Variants in CFAP54 observed in about 807,000 individuals in gnomAD.
CFAP54 encodes the protein cilia- and flagella-associated protein 54.
In CFAP54, 290 loss-of-function variants were observed where a neutral mutation model predicts 370.4. The ratio of observed to expected loss-of-function variants is 0.78; its 90% CI spans 0.71 to 0.86. CFAP54 has a LOEUF of 0.86. CFAP54 is among the 40% of genes least tolerant of loss of function. The pLI is 0.00. For missense variants in CFAP54, 3,399 were observed against 3,528.7 expected (o/e 0.96, Z 0.93); for synonymous variants, 1,206 against 1,236.5 (o/e 0.98, Z 0.52).
At chr12:96,686,406 A>T (rs751123503) in intron 42 of CFAP54, among the ~76,000 whole-genome samples, 56 of 152,314 alleles carry the variant, frequency 3.7e-4, no homozygotes, top group South Asian at 4.1e-4. Context: ...GCTACAAAGA[A>T]ATACCCAAGA....
intron 50 of CFAP54, among the ~76,000 whole-genome samples, chr12:96,728,270 G>T (rs1432401059): frequency 6.6e-6 from 1 of 152,182 alleles, no homozygotes; most frequent in Admixed American, 6.5e-5. Flanking sequence ...CCTGCAGAGT[G>T]TTTTCCAACT....
At chr12:96,859,736 A>G (rs1959817191) in intron 66 of CFAP54, among the ~76,000 whole-genome samples, 1 of 152,156 alleles carries the variant, frequency 6.6e-6, no homozygotes. Context: ...CTGTGTAGTT[A>G]TTCTGTCTCC....
chr12:96,826,070 A>G lies in CFAP54; in HGVS notation c.9097-2944A>G, dbSNP rs1447966739. Among the ~76,000 whole-genome samples, 13 of 145,290 alleles carry G rather than the reference A, an allele frequency of 8.9e-5. No homozygotes were observed. The East Asian group carries it at 2.5e-3, about 28-fold the overall frequency. On this transcript the variant is annotated intron_variant, in intron 65 of 67. Transcript: ENST00000524981. ...ATATTTTATATATACACACACATTT[A>G]CCAGCATTTAGAATACTAAAATGAT...
intron 29 of CFAP54, among the ~76,000 whole-genome samples, chr12:96,626,229 C>T (rs999204006): frequency 6.6e-6 from 1 of 151,772 alleles, no homozygotes; most frequent in Admixed American, 6.6e-5. Flanking sequence ...ACTAAAAATA[C>T]AAAAATTATC....
Position 96,581,123 on chromosome 12 carries a change from T to C in CFAP54, c.3075+18T>C. ...TGACACAGGTAGAAAAGATTTCTGC[T>C]AATTTTTTCCACTGTGTTTTTTTTT... On this transcript the variant is annotated intron_variant, in intron 22 of 67. Coordinates refer to ENST00000524981, the MANE Select transcript of CFAP54 (RefSeq NM_001306084.2). 7.1e-7 allele frequency: 1 copy of C among 1,409,764 alleles called. No homozygotes were observed. The highest frequency in any genetic ancestry group is 9.3e-7 in the Non-Finnish European group (1 of 1,079,542). 87.3% of individuals were successfully genotyped at this position (1,409,764 alleles called of 1,614,324 possible). A position where few individuals can be genotyped will look rare whatever the true frequency, so the allele number is the denominator to read the frequency against.
At chr12:96,675,042 C>G (rs1957190091) in intron 39 of CFAP54, among the ~76,000 whole-genome samples, 2 of 152,048 alleles carry the variant, frequency 1.3e-5, no homozygotes, top group African/African-American at 2.4e-5. Context: ...GACTTCATGT[C>G]TAAAACACCA....
At chr12:96,737,959 G>T (rs777458835) in intron 50 of CFAP54, among the ~76,000 whole-genome samples, 1 of 152,154 alleles carries the variant, frequency 6.6e-6, no homozygotes, top group Non-Finnish European at 1.5e-5. Context: ...GGCTGGGGAT[G>T]GGGGAGGGCC....
intron 67 of CFAP54, among the ~76,000 whole-genome samples, chr12:96,868,336 G>T (rs1960059721): frequency 6.6e-6 from 1 of 151,600 alleles, no homozygotes; most frequent in East Asian, 1.9e-4. Flanking sequence ...TCCTACTGAG[G>T]TTGAATGTTT....
In CFAP54 at chr12:96,656,307, C is replaced by T. The variant is rs529701539; in HGVS notation, c.5101-1575C>T. Among the ~76,000 whole-genome samples the T allele has an allele frequency of 2.9e-4, 44 of 152,136 alleles. 1 individual carries two copies. Among genetic ancestry groups the T allele is most frequent in the African/African-American group, 7.7e-4 (32 of 41,504 alleles). ...GATCAATAGACAATTCTCTCCCCCC[C>T]CCTCCCCTTTTGGATTGGGATCAAC... On this transcript the variant is annotated intron_variant, in intron 36 of 67. Transcript: ENST00000524981.
rs772484261 is a variant in CFAP54 at position 96,765,304 on chromosome 12, G to A, written c.8281+86G>A. On this transcript the variant is annotated intron_variant, in intron 60 of 67. Coordinates refer to ENST00000524981, the MANE Select transcript of CFAP54 (RefSeq NM_001306084.2). Reference sequence around the variant, plus strand: ...TTCAAAGATTTAATTGTAATTTGTTGGCTTTTAGCTTAGATGGGATAATGT... The same window carrying A: ...TTCAAAGATTTAATTGTAATTTGTTAGCTTTTAGCTTAGATGGGATAATGT... 5 of 1,254,138 alleles carry A rather than the reference G, an allele frequency of 4.0e-6. No individual in the cohort carries two copies. In the East Asian group the frequency reaches 1.0e-4, roughly 26 times the overall value. The allele number at this position is 1,254,138 out of a possible 1,614,324, so 77.7% of individuals were successfully genotyped here.
At chr12:96,584,912 T>C (rs767786352) in intron 22 of CFAP54, among the ~76,000 whole-genome samples, 4 of 152,194 alleles carry the variant, frequency 2.6e-5, no homozygotes, top group Non-Finnish European at 4.4e-5. Flanking sequence ...TGAGTTTTTA[T>C]ATATCCCTCA....
intron 6 of CFAP54, among the ~76,000 whole-genome samples, chr12:96,520,758 C>T (rs1047236156): frequency 1.3e-5 from 2 of 152,226 alleles, no homozygotes; most frequent in African/African-American, 4.8e-5. Context: ...CTCTAGTCAA[C>T]CTCTTTGGCT....
At chr12:96,796,302 C>T (rs909633300) in intron 63 of CFAP54, among the ~76,000 whole-genome samples, 3 of 152,182 alleles carry the variant, frequency 2.0e-5, no homozygotes, top group African/African-American at 7.2e-5. Flanking sequence ...CATTCTTGCT[C>T]TTATTATGCT....
intron 1 of CFAP54, among the ~76,000 whole-genome samples, chr12:96,494,680 A>T (rs1954928337): frequency 6.6e-6 from 1 of 152,124 alleles, no homozygotes; most frequent in Non-Finnish European, 1.5e-5. Context: ...AGTTAGGAGT[A>T]CAGGAGGTAG....
intron 50 of CFAP54, among the ~76,000 whole-genome samples, chr12:96,737,300 G>T (rs1043429307): frequency 1.3e-5 from 2 of 151,962 alleles, no homozygotes; most frequent in Non-Finnish European, 2.9e-5. Context: ...GGTGGGGAGT[G>T]AATGAATTTA....
At chr12:96,705,786 G>C (rs949461299) in intron 47 of CFAP54, among the ~76,000 whole-genome samples, 4 of 152,128 alleles carry the variant, frequency 2.6e-5, no homozygotes, top group Admixed American at 2.0e-4. Flanking sequence ...AGAAGGGAGT[G>C]TTAAATAGTA....
chr12:96,744,885 T>C (rs963151748), intron 55 of CFAP54, among the ~76,000 whole-genome samples: 15 of 152,098 alleles, frequency 9.9e-5, no homozygotes, highest in African/African-American at 3.4e-4. Context: ...TGTGTGTCAT[T>C]CCCCCTCGAC....
chr12:96,857,334 C>T (rs1959733354), intron 66 of CFAP54, among the ~76,000 whole-genome samples: 1 of 152,194 alleles, frequency 6.6e-6, no homozygotes. Flanking sequence ...TTGTTTCCTT[C>T]TTTGTGCCCA....
At chr12:96,828,490 T>C (rs1959153140) in intron 65 of CFAP54, among the ~76,000 whole-genome samples, 1 of 152,160 alleles carries the variant, frequency 6.6e-6, no homozygotes, top group Admixed American at 6.5e-5. Flanking sequence ...ATACTGATTG[T>C]ATGTCTCTTC....
Sources: allele counts gnomAD v4.1 joint callset (sites outside exome capture counted in the v4.1 genomes callset), GRCh38; gene constraint gnomAD v4.1.1; transcripts MANE v1.5; gene names NCBI Gene and HGNC (gene_info 2026-07-23, HGNC 2026-07-21).